Variants in CPNE3 observed in about 807,000 individuals in gnomAD.
The protein encoded by CPNE3 is copine 3.
Under a neutral mutation model 63.9 loss-of-function variants are expected in CPNE3, and 68 were observed. The ratio of observed to expected loss-of-function variants is 1.06; its 90% CI spans 0.87 to 1.30. The LOEUF is 1.30. Ranked by LOEUF, CPNE3 falls within the 50% of genes most tolerant of loss-of-function variation. The pLI, the probability that CPNE3 is intolerant of heterozygous loss-of-function variation, is 0.00. For synonymous variants in CPNE3, 219 were observed against 197.5 expected, an observed-to-expected ratio of 1.11 and a Z score of -0.91; for missense variants, 665 against 578.1, an observed-to-expected ratio of 1.15 and a Z score of -1.54.
At chr8:86,549,522 C>A (rs371516097) in intron 12 of CPNE3, among the ~76,000 whole-genome samples, 6 of 152,242 alleles carry the variant, frequency 3.9e-5, no homozygotes, top group African/African-American at 1.4e-4. Flanking sequence ...GTTGTAAAAG[C>A]TGTCAAACTG....
At chr8:86,520,247 A>G (rs1388776720) in intron 2 of CPNE3, among the ~76,000 whole-genome samples, 1 of 152,190 alleles carries the variant, frequency 6.6e-6, no homozygotes, top group African/African-American at 2.4e-5. Context: ...CTCAACTCTT[A>G]GGTTTAACAG....
intron 10 of CPNE3, chr8:86,547,220 T>G (rs2131483252): frequency 6.5e-6 from 1 of 153,818 alleles, no homozygotes; most frequent in Admixed American, 6.5e-5. Flanking sequence ...AAGGATAAGT[T>G]TTTCGTTATC....
rs188054647 is a variant in CPNE3 at position 86,535,886 on chromosome 8, T to C, written c.460-1677T>C. On this transcript the variant is annotated intron_variant, in intron 6 of 16. Coordinates refer to ENST00000517490, the MANE Select transcript of CPNE3 (RefSeq NM_003909.5). ...TCTTTAAGGTGTGTATATTCCACTTTTGTTACATAGTCACATTCTTATGAT... is the reference window on the plus strand; with the variant it reads ...TCTTTAAGGTGTGTATATTCCACTTCTGTTACATAGTCACATTCTTATGAT... Among the ~76,000 whole-genome samples, 21 of 152,316 alleles carry C rather than the reference T, an allele frequency of 1.4e-4. No homozygotes were observed. The East Asian group carries it at 1.7e-3, about 13-fold the overall frequency.
At position 86,556,279 on chromosome 8, in the gene CPNE3, T is replaced by C. The variant is rs758311458; in HGVS notation, c.1432T>C (p.Leu478=). 1.0e-5 allele frequency: 9 copies of C among 872,904 alleles called. 1 individual carries two copies. Among genetic ancestry groups the C allele is most frequent in the Middle Eastern group, 2.2e-4 (1 of 4,634 alleles). 54.1% of individuals were successfully genotyped at this position (872,904 alleles called of 1,614,324 possible). ...TGATGGTGGAAGTCTCCGCTCCCCA[T>C]TGGGCGAAGTGGCCATCAGAGATAT... The part of the protein sequence containing the change: ...DGDGGSLRSP[L]GEVAIRDIVQ... The change falls in exon 16 of 17, where the codon TTG becomes CTG. Residue 478 remains leucine, a synonymous_variant. Transcript: ENST00000517490.
intron 2 of CPNE3, chr8:86,524,956 G>A (rs775685135): frequency 1.3e-5 from 2 of 152,222 alleles, no homozygotes; most frequent in Non-Finnish European, 2.9e-5. Flanking sequence ...TGAGGTTCAA[G>A]TGATTCTCCT....
At chr8:86,533,016 T>C (rs1446560137) in intron 6 of CPNE3, among the ~76,000 whole-genome samples, 1 of 144,812 alleles carries the variant, frequency 6.9e-6, no homozygotes, top group Non-Finnish European at 1.5e-5. Context: ...ATAATTCTTT[T>C]ATCTATCTTA....
intron 10 of CPNE3, among the ~76,000 whole-genome samples, chr8:86,547,130 T>TAGCAAAAAGAATCAAGTAGGG (rs1436155594): frequency 2.0e-5 from 3 of 152,200 alleles, no homozygotes; most frequent in Non-Finnish European, 2.9e-5. Flanking sequence ...TGGTCACCTT[T>TAGCAAAAAGAATCAAGTAGGG]AGCAAAAAGA....
rs1821428648 is a variant in CPNE3 at position 86,560,976 on chromosome 8, G to A, written c.*2566G>A. 6.6e-6 allele frequency: 1 copy of A among 152,196 alleles called. No homozygotes were observed. The allele number at this position is 152,196 out of a possible 1,614,324, so 9.4% of individuals were successfully genotyped here. ...AATATTTCTTACAGATGCTGGCACAGAGGAAATAATATACCAGCTAATCTA... is the reference window on the plus strand; with the variant it reads ...AATATTTCTTACAGATGCTGGCACAAAGGAAATAATATACCAGCTAATCTA... On this transcript the variant is annotated 3_prime_UTR_variant, in exon 17 of 17. Coordinates refer to ENST00000517490, the MANE Select transcript of CPNE3 (RefSeq NM_003909.5).
At position 86,548,393 on chromosome 8, in the gene CPNE3, T is replaced by A; in HGVS notation, c.972T>A (p.Thr324=). 6.2e-7 allele frequency: 1 copy of A among 1,614,198 alleles called. No homozygotes were observed. Among genetic ancestry groups the A allele is most frequent in the East Asian group, 2.2e-5 (1 of 44,878 alleles). ...ISPNGVNEYL[T]ALWSVGLVIQ... Reference sequence around the variant, plus strand: ...CCAATGGCGTTAATGAGTATTTGACTGCTCTCTGGTCTGTGGGACTGGTCA... The same window carrying A: ...CCAATGGCGTTAATGAGTATTTGACAGCTCTCTGGTCTGTGGGACTGGTCA... The change falls in exon 12 of 17, where the codon ACT becomes ACA. Residue 324 remains threonine (T), a synonymous_variant. Coordinates refer to ENST00000517490, the MANE Select transcript of CPNE3 (RefSeq NM_003909.5).
intron 6 of CPNE3, among the ~76,000 whole-genome samples, chr8:86,533,529 A>G (rs1820730890): frequency 6.6e-6 from 1 of 152,188 alleles, no homozygotes; most frequent in African/African-American, 2.4e-5. Context: ...TGTCTCAAGT[A>G]AAAACAAAAA....
At chr8:86,519,329 A>T (rs965707563) in intron 2 of CPNE3, among the ~76,000 whole-genome samples, 1 of 152,232 alleles carries the variant, frequency 6.6e-6, no homozygotes, top group African/African-American at 2.4e-5. Flanking sequence ...TGATAAAGAG[A>T]AGGTAAAACT....
chr8:86,539,467 A>G (rs7818280), intron 7 of CPNE3, among the ~76,000 whole-genome samples: 1,779 of 152,186 alleles, frequency 0.012, 44 homozygotes, highest in African/African-American at 0.041. Flanking sequence ...AGAAATATGT[A>G]TATTTGTGTT....
Position 86,548,334 on chromosome 8 carries a change from C to T in CPNE3, c.913C>T (p.Pro305Ser), listed in dbSNP as rs745636325. ...GGACTTCACTGGCTCCAATGGTGAC[C>T]CAAGGTCTCCAGACTCCCTTCATTA... is the stretch of plus-strand genomic sequence containing the variant. ...GVDFTGSNGD[P>S]RSPDSLHYIS... Residue 305 changes from proline (P) to serine (S), a missense_variant, in exon 12 of 17, where the codon CCA becomes TCA. Coordinates refer to ENST00000517490, the MANE Select transcript of CPNE3 (RefSeq NM_003909.5). The T allele has an allele frequency of 6.2e-7, 1 of 1,614,056 alleles. No individual in the cohort carries two copies. The highest frequency in any genetic ancestry group is 1.1e-5 in the South Asian group (1 of 91,074).
At chr8:86,547,320 T>A (rs1821074158) in intron 10 of CPNE3, 1 of 171,488 alleles carries the variant, frequency 5.8e-6, no homozygotes, top group Admixed American at 6.3e-5. Flanking sequence ...ACTTTCAATA[T>A]AAAATGTTAT....
chr8:86,531,208 T>A lies in CPNE3; in HGVS notation c.366T>A (p.Pro122=), dbSNP rs1820675927. The A allele has an allele frequency of 7.8e-7, 1 of 1,286,570 alleles. No individual in the cohort carries two copies. 79.7% of individuals were successfully genotyped at this position (1,286,570 alleles called of 1,614,324 possible). The change falls in exon 5 of 17, where the codon CCT becomes CCA. Residue 122 remains proline, a synonymous_variant. Transcript: ENST00000517490. ...CACTGGTGATGAAAACTGGCAGACC[T>A]GCAGGAAAAGGGAGCATTACGGTAA... ...TRPLVMKTGR[P]AGKGSITISA... is the part of the protein sequence containing the mutation.
chr8:86,552,326 C>G (rs1284002904), intron 14 of CPNE3, among the ~76,000 whole-genome samples: 2 of 152,124 alleles, frequency 1.3e-5, no homozygotes, highest in Non-Finnish European at 2.9e-5. Context: ...CATACTAATT[C>G]AGTGTTCTTT....
chr8:86,547,777 AAC>A lies in CPNE3; in HGVS notation c.879+12_879+13del, dbSNP rs1266956561. On this transcript the variant is annotated splice_region_variant and intron_variant, in intron 11 of 16. Coordinates refer to ENST00000517490, the MANE Select transcript of CPNE3 (RefSeq NM_003909.5). ...ATGTCAGCTGAATTTTACTGTAAGTAACACACTGAATTTTTCAGCATAGGCTT... is the reference window on the plus strand; with the variant it reads ...ATGTCAGCTGAATTTTACTGTAAGTAACACTGAATTTTTCAGCATAGGCTT... 7.3e-6 allele frequency: 9 copies of A among 1,241,132 alleles called. No individual in the cohort carries two copies. Among genetic ancestry groups the A allele is most frequent in the Non-Finnish European group, 7.1e-6 (6 of 844,988 alleles). The allele number at this position is 1,241,132 out of a possible 1,614,324, so 76.9% of individuals were successfully genotyped here.
In CPNE3 at chr8:86,548,418, A is replaced by G. The variant is rs553955691; in HGVS notation, c.997A>G (p.Ile333Val). 5.0e-6 allele frequency: 8 copies of G among 1,614,158 alleles called. No individual in the cohort carries two copies. The South Asian group carries it at 5.5e-5, about 11-fold the overall frequency. ...LTALWSVGLV[I>V]QDYDADKMFP... Reference sequence around the variant, plus strand: ...TGCTCTCTGGTCTGTGGGACTGGTCATTCAAGATTATGATGCGTGAGTATG... The same window carrying G: ...TGCTCTCTGGTCTGTGGGACTGGTCGTTCAAGATTATGATGCGTGAGTATG... The change falls in exon 12 of 17, where the codon ATT (isoleucine) becomes GTT (valine). Residue 333 changes from isoleucine (I) to valine (V), a missense_variant. Coordinates refer to ENST00000517490, the MANE Select transcript of CPNE3 (RefSeq NM_003909.5).
At chr8:86,545,196 C>T (rs1821022349) in intron 9 of CPNE3, 1 of 155,526 alleles carries the variant, frequency 6.4e-6, no homozygotes, top group Non-Finnish European at 1.4e-5. Context: ...GGGAACCACA[C>T]TTTACTTACA....
Sources: gnomAD v4.1 joint callset for allele counts (sites outside exome capture counted in the v4.1 genomes callset) on GRCh38, gnomAD v4.1.1 for gene constraint, MANE v1.5 for transcripts, NCBI Gene and HGNC (gene_info 2026-07-23, HGNC 2026-07-21) for gene names.